The following ADARB2 variants were observed in gnomAD, a reference collection of about 807,000 sequenced individuals.
The protein encoded by ADARB2 is inactive double-stranded RNA-specific editase B2.
In ADARB2, 25 loss-of-function variants were observed where a neutral mutation model predicts 62.2. The observed-to-expected ratio is 0.40, with a 90% confidence interval of 0.29 to 0.56. ADARB2 has a LOEUF of 0.56. ADARB2 is among the 20% of genes least tolerant of loss of function. The probability of loss-of-function intolerance (pLI) is 0.43; values close to 1 mark genes in which losing one functional copy is unlikely to be tolerated. For missense variants in ADARB2, 1,071 were observed against 1,077.4 expected (o/e 0.99, Z 0.08); for synonymous variants, 572 against 500.8 (o/e 1.14, Z -1.90).
intron 1 of ADARB2, among the ~76,000 whole-genome samples, chr10:1,380,725 G>A (rs189892713): frequency 1.4e-3 from 208 of 152,250 alleles, no homozygotes; most frequent in Non-Finnish European, 1.9e-3. Context: ...TACCTTCTTT[G>A]TTCTACCGAA....
At chr10:1,429,671 T>A (rs1361908097) in intron 1 of ADARB2, among the ~76,000 whole-genome samples, 2 of 152,230 alleles carry the variant, frequency 1.3e-5, no homozygotes, top group East Asian at 1.9e-4. Flanking sequence ...TTTGCTTAAA[T>A]GAAGATGCAT....
At chr10:1,258,208 A>G (rs916736265) in intron 4 of ADARB2, among the ~76,000 whole-genome samples, 9 of 152,120 alleles carry the variant, frequency 5.9e-5, no homozygotes, top group African/African-American at 2.2e-4. Flanking sequence ...GGTTAAGGTA[A>G]ATATAAGAAT....
At chr10:1,707,187 C>T (rs1016113197) in intron 1 of ADARB2, among the ~76,000 whole-genome samples, 7 of 152,324 alleles carry the variant, frequency 4.6e-5, no homozygotes, top group African/African-American at 7.2e-5. Flanking sequence ...ATTCCTGCAC[C>T]GGCGCACAGC....
At chr10:1,272,432 G>C (rs564335015) in intron 3 of ADARB2, among the ~76,000 whole-genome samples, 2 of 152,226 alleles carry the variant, frequency 1.3e-5, no homozygotes, top group East Asian at 3.8e-4. Flanking sequence ...AAACAGCCCT[G>C]CCTGCCAGAA....
intron 8 of ADARB2, among the ~76,000 whole-genome samples, chr10:1,192,044 C>T (rs765348589): frequency 3.5e-4 from 53 of 152,068 alleles, no homozygotes; most frequent in Non-Finnish European, 6.5e-4. Flanking sequence ...CTGTGGCTCG[C>T]GGAGCTATAA....
intron 1 of ADARB2, among the ~76,000 whole-genome samples, chr10:1,519,710 G>C (rs1277097857): frequency 6.6e-6 from 1 of 152,100 alleles, no homozygotes; most frequent in Non-Finnish European, 1.5e-5. Context: ...TCAGGATTTG[G>C]GACTGGCCAT....
At chr10:1,723,290 A>G (rs545948153) in intron 1 of ADARB2, among the ~76,000 whole-genome samples, 14 of 152,230 alleles carry the variant, frequency 9.2e-5, no homozygotes, top group Admixed American at 9.2e-4. Context: ...TCTGCTCCTG[A>G]GTTTTGTGCT....
At chr10:1,695,650 T>G (rs1402547211) in intron 1 of ADARB2, among the ~76,000 whole-genome samples, 1 of 152,128 alleles carries the variant, frequency 6.6e-6, no homozygotes, top group Non-Finnish European at 1.5e-5. Flanking sequence ...CACATAAACA[T>G]GCATGCGAGA....
rs1831422580 is a variant in ADARB2, at chr10:1,477,888, T to G, written c.101-98728A>C. 6.6e-6 allele frequency among the ~76,000 whole-genome samples: 1 copy of G among 152,194 alleles called. No individual in the cohort carries two copies. The highest frequency in any genetic ancestry group is 2.1e-4 in the South Asian group (1 of 4,826). ...GCTTCTCACAGGTGCACTGGGAGGT[T>G]CCCTCCTGCCCTGACATGCATCCCA... On this transcript the variant is annotated intron_variant, in intron 1 of 9. Coordinates refer to ENST00000381312, the MANE Select transcript of ADARB2 (RefSeq NM_018702.4). The surrounding 1 kb of genome is among the most constrained non-coding windows in gnomAD (Gnocchi z 4.5).
chr10:1,351,304 C>T (rs1451291916), intron 3 of ADARB2, among the ~76,000 whole-genome samples: 1 of 152,126 alleles, frequency 6.6e-6, no homozygotes, highest in African/African-American at 2.4e-5. Context: ...GTAAGTCCGT[C>T]CCCTTCTTCA....
intron 1 of ADARB2, among the ~76,000 whole-genome samples, chr10:1,713,679 G>A (rs1020925637): frequency 1.3e-5 from 2 of 152,156 alleles, no homozygotes; most frequent in Admixed American, 6.5e-5. Context: ...AAGCGCCATG[G>A]CCAGAATTCC....
intron 3 of ADARB2, among the ~76,000 whole-genome samples, chr10:1,359,802 C>G (rs1195366632): frequency 6.6e-6 from 1 of 152,242 alleles, no homozygotes; most frequent in Non-Finnish European, 1.5e-5. Flanking sequence ...GTGTGGGTCT[C>G]TGACCACCCG....
chr10:1,600,227 G>T (rs545378449), intron 1 of ADARB2, among the ~76,000 whole-genome samples: 10 of 152,284 alleles, frequency 6.6e-5, no homozygotes, highest in African/African-American at 2.4e-4. Context: ...GGCCCATTAG[G>T]TGTTTGCCTG....
At chr10:1,564,693 A>T (rs895142872) in intron 1 of ADARB2, among the ~76,000 whole-genome samples, 1 of 152,198 alleles carries the variant, frequency 6.6e-6, no homozygotes, top group Non-Finnish European at 1.5e-5. Flanking sequence ...GAGAAATGCA[A>T]ATCAAAACCA....
chr10:1,662,832 C>G (rs1479183717), intron 1 of ADARB2, among the ~76,000 whole-genome samples: 1 of 152,218 alleles, frequency 6.6e-6, no homozygotes, highest in Admixed American at 6.5e-5. Flanking sequence ...AGCAGTGCCC[C>G]TCTAGGGGAA....
intron 1 of ADARB2, among the ~76,000 whole-genome samples, chr10:1,507,372 C>G (rs902051759): frequency 6.6e-6 from 1 of 152,202 alleles, no homozygotes; most frequent in Non-Finnish European, 1.5e-5. Context: ...GCCTTGGCAC[C>G]GGACAGGAAG....
chr10:1,355,849 A>G (rs963361106), intron 3 of ADARB2, among the ~76,000 whole-genome samples: 1 of 152,260 alleles, frequency 6.6e-6, no homozygotes, highest in Non-Finnish European at 1.5e-5. Flanking sequence ...TATGCTGTAC[A>G]TTGTATATAT....
At chr10:1,658,387 CTT>C (rs1187815599) in intron 1 of ADARB2, among the ~76,000 whole-genome samples, 3 of 151,520 alleles carry the variant, frequency 2.0e-5, no homozygotes, top group Admixed American at 6.6e-5. Flanking sequence ...CTGTGTATCT[CTT>C]GTCTTTCTCT....
intron 1 of ADARB2, among the ~76,000 whole-genome samples, chr10:1,488,803 G>C (rs576553826): frequency 3.9e-5 from 6 of 152,170 alleles, no homozygotes; most frequent in Non-Finnish European, 7.3e-5. Context: ...TTTCCTCGGG[G>C]GAAAACGCTC....
Sources: gnomAD v4.1 joint callset for allele counts (sites outside exome capture counted in the v4.1 genomes callset) on GRCh38, gnomAD v4.1.1 for gene constraint, Gnocchi (gnomAD v3.1) non-coding constraint, MANE v1.5 for transcripts, NCBI Gene and HGNC (gene_info 2026-07-23, HGNC 2026-07-21) for gene names.